CDH13: variants seen among roughly 807,000 people sequenced by gnomAD.
CDH13 encodes cadherin 13, also known as cadherin-13.
In CDH13, 24 loss-of-function variants were observed where a neutral mutation model predicts 63.8. The ratio of observed to expected loss-of-function variants is 0.38; its 90% confidence interval spans 0.27 to 0.53. The LOEUF is 0.53. CDH13 is among the 20% of genes least tolerant of loss of function. CDH13 has a pLI of 0.85. For missense variants in CDH13, 1,049 were observed against 903.1 expected, an observed-to-expected ratio of 1.16 and a Z score of -2.07; for synonymous variants, 503 against 355.3, an observed-to-expected ratio of 1.42 and a Z score of -4.67.
chr16:82,806,877 A>T (rs891029008), intron 1 of CDH13, among the ~76,000 whole-genome samples: 25 of 152,208 alleles, frequency 1.6e-4, no homozygotes, highest in African/African-American at 6.0e-4. Context: ...GTGTAAAAGG[A>T]GGAATTTGCA....
intron 5 of CDH13, among the ~76,000 whole-genome samples, chr16:83,238,211 G>C (rs1015227538): frequency 1.1e-5 from 1 of 89,526 alleles, no homozygotes; most frequent in Non-Finnish European, 2.4e-5. Context: ...ACCTGAGACT[G>C]GGTAATTCAT....
chr16:82,906,538 G>A (rs149857607), intron 2 of CDH13, among the ~76,000 whole-genome samples: 38 of 152,284 alleles, frequency 2.5e-4, no homozygotes, highest in African/African-American at 8.2e-4. Flanking sequence ...ACAAAGGCTG[G>A]TTTCTCATTG....
At chr16:83,411,939 G>C (rs1451437486) in intron 6 of CDH13, among the ~76,000 whole-genome samples, 1 of 152,174 alleles carries the variant, frequency 6.6e-6, no homozygotes, top group Non-Finnish European at 1.5e-5. Context: ...AGCGCATAAG[G>C]AGCAAATCTG....
intron 2 of CDH13, among the ~76,000 whole-genome samples, chr16:83,014,824 ATATT>A (rs1234549649): frequency 0.024 from 1,313 of 55,434 alleles, 35 homozygotes; most frequent in Middle Eastern, 0.042. Context: ...TTGTATATAT[ATATT>A]TGTATATATA....
intron 6 of CDH13, among the ~76,000 whole-genome samples, chr16:83,439,644 A>C (rs58080180): frequency 1.3e-5 from 2 of 151,990 alleles, no homozygotes; most frequent in African/African-American, 4.8e-5. Context: ...GGCAATGTTC[A>C]GGTCTGTCTG....
intron 9 of CDH13, among the ~76,000 whole-genome samples, chr16:83,672,851 G>A (rs1914633057): frequency 6.6e-6 from 1 of 152,152 alleles, no homozygotes; most frequent in African/African-American, 2.4e-5. Context: ...CTTCAGGTCT[G>A]GAAAATTGTC....
At chr16:83,586,145 C>A (rs1221525584) in intron 7 of CDH13, among the ~76,000 whole-genome samples, 2 of 149,154 alleles carry the variant, frequency 1.3e-5, no homozygotes, top group Non-Finnish European at 3.0e-5. Context: ...GAGTGGAGCC[C>A]GGATGAACTG....
At chr16:83,420,876 G>T (rs2071694566) in intron 6 of CDH13, among the ~76,000 whole-genome samples, 1 of 152,190 alleles carries the variant, frequency 6.6e-6, no homozygotes, top group Non-Finnish European at 1.5e-5. Flanking sequence ...GAAGTCTGAT[G>T]TTCAAGGGCA....
Position 83,783,401 on chromosome 16 carries a change from A to G in CDH13, c.2063A>G (p.Asp688Gly). ...QVCSCRNSKV[D>G]CNAAGALRFS... The stretch of plus-strand genomic sequence containing the variant: ...TGCTCCTGCAGGAATTCCAAAGTGG[A>G]CTGCAACGCGGCAGGGGCCCTGCGC... The change falls in exon 13 of 14, where the codon GAC becomes GGC. Residue 688 changes from aspartate to glycine, a missense_variant. Transcript: ENST00000567109. The G allele has an allele frequency of 6.2e-7, 1 of 1,613,992 alleles. No individual in the cohort carries two copies.
intron 1 of CDH13, among the ~76,000 whole-genome samples, chr16:82,848,690 TCTC>T (rs1041498542): frequency 6.6e-6 from 1 of 152,088 alleles, no homozygotes; most frequent in South Asian, 2.1e-4. Context: ...TCTGTCTCCT[TCTC>T]CTCCAAACAT....
intron 1 of CDH13, among the ~76,000 whole-genome samples, chr16:82,649,755 G>A (rs74030925): frequency 0.033 from 4,958 of 152,244 alleles, 252 homozygotes; most frequent in African/African-American, 0.11. Flanking sequence ...AGAAATTACT[G>A]GTTAAGAACA....
chr16:83,605,217 A>G (rs999012641), intron 8 of CDH13, among the ~76,000 whole-genome samples: 3 of 152,240 alleles, frequency 2.0e-5, no homozygotes, highest in African/African-American at 7.2e-5. Flanking sequence ...AAACTCATAA[A>G]GAGAGATAAG....
chr16:82,649,945 C>T (rs150354923), intron 1 of CDH13, among the ~76,000 whole-genome samples: 9 of 152,280 alleles, frequency 5.9e-5, no homozygotes, highest in East Asian at 3.9e-4. Flanking sequence ...AGACAGTGCC[C>T]GGTGTGCTGT....
chr16:83,146,748 T>C (rs1334938311), intron 4 of CDH13, among the ~76,000 whole-genome samples: 1 of 152,142 alleles, frequency 6.6e-6, no homozygotes. Context: ...AAATAGGCCA[T>C]AGATATTTCA....
At chr16:83,281,960 C>G (rs1384322559) in intron 5 of CDH13, among the ~76,000 whole-genome samples, 1 of 152,048 alleles carries the variant, frequency 6.6e-6, no homozygotes, top group Non-Finnish European at 1.5e-5. Context: ...ATCAGTGTAG[C>G]TTTTGATTTA....
chr16:82,920,324 A>G (rs552933120), intron 2 of CDH13, among the ~76,000 whole-genome samples: 1 of 152,334 alleles, frequency 6.6e-6, no homozygotes, highest in African/African-American at 2.4e-5. Flanking sequence ...CAGCAGCTCC[A>G]GGCTCACATC....
intron 5 of CDH13, among the ~76,000 whole-genome samples, chr16:83,259,617 C>A (rs1316592693): frequency 6.6e-6 from 1 of 152,170 alleles, no homozygotes; most frequent in Non-Finnish European, 1.5e-5. Flanking sequence ...AAGACAAAGT[C>A]AATAGAAGAC....
chr16:83,080,871 GTTTTTTTTTTTTTTT>G (rs71148809), intron 3 of CDH13, among the ~76,000 whole-genome samples: 3 of 46,928 alleles, frequency 6.4e-5, no homozygotes, highest in South Asian at 1.3e-3. Context: ...TTGTTTTTGT[GTTTTTTTTTTTTTTT>G]TTTTTTTTTT....
chr16:82,908,825 C>A (rs920588799), intron 2 of CDH13, among the ~76,000 whole-genome samples: 3 of 152,214 alleles, frequency 2.0e-5, no homozygotes, highest in African/African-American at 7.2e-5. Flanking sequence ...ATACGGTTGA[C>A]CCTTGAACTA....
Sources: gnomAD v4.1 joint callset for allele counts (sites outside exome capture counted in the v4.1 genomes callset) on GRCh38, gnomAD v4.1.1 for gene constraint, MANE v1.5 for transcripts, NCBI Gene and HGNC (gene_info 2026-07-23, HGNC 2026-07-21) for gene names.